The following SMURF1 variants were observed in gnomAD, a reference collection of about 807,000 sequenced individuals.
SMURF1 encodes the protein SMAD specific E3 ubiquitin protein ligase 1.
A neutral mutation model predicts 98.0 loss-of-function variants in SMURF1; 44 were observed. The ratio of observed to expected loss-of-function variants is 0.45; its 90% CI spans 0.35 to 0.58. The LOEUF is 0.58. Ranked by LOEUF, SMURF1 falls within the 20% of genes least tolerant of loss-of-function variation. The pLI, the probability that SMURF1 is intolerant of heterozygous loss-of-function variation, is 0.00. For missense variants in SMURF1, 687 were observed against 938.4 expected (o/e 0.73, Z 3.50); for synonymous variants, 396 against 374.9 (o/e 1.06, Z -0.65).
chr7:99,095,376 G>A (rs758377274), intron 1 of SMURF1, among the ~76,000 whole-genome samples: 8 of 152,212 alleles, frequency 5.3e-5, no homozygotes, highest in Middle Eastern at 3.4e-3. Context: ...CACCGCAGGC[G>A]GACTGTTTTT....
intron 1 of SMURF1, among the ~76,000 whole-genome samples, chr7:99,138,931 A>G (rs971374962): frequency 6.6e-6 from 1 of 152,222 alleles, no homozygotes; most frequent in African/African-American, 2.4e-5. Flanking sequence ...CCTTAACTGT[A>G]TCTTCCTAAA....
intron 2 of SMURF1, among the ~76,000 whole-genome samples, 161 bp downstream of exon 2, chr7:99,061,638 A>G (rs549861060): frequency 1.3e-5 from 2 of 152,358 alleles, no homozygotes; most frequent in East Asian, 1.9e-4. Context: ...GGAACTACCC[A>G]TGTTGTAGTC....
intron 1 of SMURF1, among the ~76,000 whole-genome samples, chr7:99,066,665 C>G (rs1424503619): frequency 8.6e-5 from 13 of 151,750 alleles, no homozygotes; most frequent in Admixed American, 6.6e-4. Flanking sequence ...GTAGTCCCAG[C>G]TACTTGGAAG....
At position 99,043,723 on chromosome 7, in the gene SMURF1, G is replaced by A. The variant is rs145779110; in HGVS notation, c.1257-1491C>T. 3.7e-3 allele frequency among the ~76,000 whole-genome samples: 563 copies of A among 152,308 alleles called. 1 individual carries two copies. The highest frequency in any genetic ancestry group is 0.013 in the African/African-American group (533 of 41,568). ...TGTGTTAGGTGCTGTTCTAGGAACC[G>A]GGGATCAGCTGTGAACAAGACAAGT... On this transcript the variant is annotated intron_variant, in intron 11 of 17. Transcript: ENST00000361368.
chr7:99,143,104 A>G (rs116564446), intron 1 of SMURF1, among the ~76,000 whole-genome samples: 50 of 135,434 alleles, frequency 3.7e-4, no homozygotes, highest in Middle Eastern at 3.8e-3. Context: ...AGGGAGCTGG[A>G]CGCAGGGAGA....
intron 5 of SMURF1, among the ~76,000 whole-genome samples, 155 bp from the exon 6 acceptor site, chr7:99,055,020 C>T (rs1160375546): frequency 2.4e-4 from 36 of 152,090 alleles, no homozygotes; most frequent in Admixed American, 2.3e-3. Context: ...CTTTCCAATA[C>T]GAAGCATTTT....
chr7:99,038,099 T>TCCTTTGCCACCCA (rs1554437119), intron 14 of SMURF1, among the ~76,000 whole-genome samples: 1 of 152,022 alleles, frequency 6.6e-6, no homozygotes, highest in East Asian at 1.9e-4. Flanking sequence ...TGCTGCTCTC[T>TCCTTTGCCACCCA]CCTTTGCCCC....
chr7:99,040,877 C>T lies in SMURF1; in HGVS notation c.1372-321G>A, dbSNP rs533082553. 4.6e-5 allele frequency among the ~76,000 whole-genome samples: 7 copies of T among 152,270 alleles called. No individual in the cohort carries two copies. The East Asian group carries it at 1.4e-3, about 29-fold the overall frequency. ...TGACAACAGAGAATCGAACCAAGCCCAGGGCCTTGACACTGCAGGGCCTCG... is the reference window on the plus strand; with the variant it reads ...TGACAACAGAGAATCGAACCAAGCCTAGGGCCTTGACACTGCAGGGCCTCG... On this transcript the variant is annotated intron_variant, in intron 12 of 17. Transcript: ENST00000361368.
chr7:99,130,260 C>A (rs1040978753), intron 1 of SMURF1, among the ~76,000 whole-genome samples: 1 of 152,154 alleles, frequency 6.6e-6, no homozygotes, highest in African/African-American at 2.4e-5. Flanking sequence ...CAAGGCCAGC[C>A]TGGCCAACAT....
At chr7:99,081,723 G>A (rs1796580774) in intron 1 of SMURF1, among the ~76,000 whole-genome samples, 1 of 152,202 alleles carries the variant, frequency 6.6e-6, no homozygotes. Flanking sequence ...TGCAATCTAG[G>A]CTCACTGCGA....
At chr7:99,038,249 T>C in intron 14 of SMURF1, 139 bp downstream of exon 14, 1 of 1,026,848 alleles carries the variant, frequency 9.7e-7, no homozygotes, top group Non-Finnish European at 1.4e-6. Context: ...TTTCTGAAAG[T>C]CGCCTCTGTT....
intron 1 of SMURF1, among the ~76,000 whole-genome samples, chr7:99,115,843 G>A (rs2150611405): frequency 6.6e-6 from 1 of 151,908 alleles, no homozygotes; most frequent in Admixed American, 6.6e-5. Flanking sequence ...AAGACCAGAT[G>A]GCTTCACTGG....
At chr7:99,082,658 C>A (rs904805124) in intron 1 of SMURF1, among the ~76,000 whole-genome samples, 1 of 152,210 alleles carries the variant, frequency 6.6e-6, no homozygotes, top group Non-Finnish European at 1.5e-5. Context: ...TAGTCTCCAA[C>A]TTTGTTGTTG....
rs140615805 is a variant in SMURF1, at chr7:99,142,955, GA to G, written c.55+770del. 9.1e-3 allele frequency among the ~76,000 whole-genome samples: 1,331 copies of G among 145,630 alleles called. 30 individuals carry two copies. Among genetic ancestry groups the G allele is most frequent in the African/African-American group, 0.033 (1,278 of 38,778 alleles). On this transcript the variant is annotated intron_variant, in intron 1 of 17. Transcript: ENST00000361368. ...GGGAGGGGGTAAAAACGGCGGAGGAGAAAAAAAGGAGAGAAGCAAGGGGGCG... is the reference window on the plus strand; with the variant it reads ...GGGAGGGGGTAAAAACGGCGGAGGAGAAAAAAGGAGAGAAGCAAGGGGGCG...
chr7:99,139,372 G>T (rs1451620180), intron 1 of SMURF1, among the ~76,000 whole-genome samples: 5 of 152,140 alleles, frequency 3.3e-5, no homozygotes, highest in African/African-American at 1.2e-4. Flanking sequence ...ACAATATGCA[G>T]TCATGCTCCA....
rs1182068224 is a variant in SMURF1, at chr7:99,117,777, G to GTCTAATATC, written c.55+25940_55+25948dup. On this transcript the variant is annotated intron_variant, in intron 1 of 17. Coordinates refer to ENST00000361368, the MANE Select transcript of SMURF1 (RefSeq NM_181349.3). ...TATTTGGAAATCATATATCTGATGAGTCTAATATCAAGAATATATATGCTG... is the reference window on the plus strand; with the variant it reads ...TATTTGGAAATCATATATCTGATGAGTCTAATATCTCTAATATCAAGAATATATATGCTG... 5.9e-5 allele frequency among the ~76,000 whole-genome samples: 9 copies of GTCTAATATC among 151,750 alleles called. No homozygotes were observed. The East Asian group carries it at 1.8e-3, about 30-fold the overall frequency.
At position 99,143,824 on chromosome 7, in the gene SMURF1, C is replaced by A; in HGVS notation, c.-44G>T. 1.3e-6 allele frequency: 2 copies of A among 1,506,594 alleles called. No individual in the cohort carries two copies. The highest frequency in any genetic ancestry group is 1.8e-6 in the Non-Finnish European group (2 of 1,127,584). 93.3% of individuals were successfully genotyped at this position (1,506,594 alleles called of 1,614,324 possible). On this transcript the variant is annotated 5_prime_UTR_variant, in exon 1 of 18. Transcript: ENST00000361368. ...CAGCCGCGGATCCAGCGCCACCGCC[C>A]CCCAGCCCGGCCCGGCCCGGCCCCG...
chr7:99,077,994 T>TA (rs995144649), intron 1 of SMURF1, among the ~76,000 whole-genome samples: 20 of 149,886 alleles, frequency 1.3e-4, no homozygotes, highest in Non-Finnish European at 2.1e-4. Flanking sequence ...TGTCTTTATT[T>TA]AAAAAAAAAA....
intron 1 of SMURF1, among the ~76,000 whole-genome samples, chr7:99,128,038 G>A (rs1227244077): frequency 6.6e-6 from 1 of 152,034 alleles, no homozygotes. Flanking sequence ...GTACTGTTCA[G>A]ATGAACCCTA....
Sources: allele counts gnomAD v4.1 joint callset (sites outside exome capture counted in the v4.1 genomes callset), GRCh38; gene constraint gnomAD v4.1.1; transcripts MANE v1.5; gene names NCBI Gene and HGNC (gene_info 2026-07-23, HGNC 2026-07-21).